Variants in CERS6 observed in about 807,000 individuals in gnomAD.
CERS6 encodes LAG1 homolog, ceramide synthase 6.
CERS6 carries 26 observed loss-of-function variants against 56.8 expected under a neutral mutation model. The observed-to-expected ratio is 0.46, with a 90% CI of 0.34 to 0.63. The LOEUF (loss-of-function observed/expected upper bound fraction) is 0.63. Among genes scored for constraint, CERS6 ranks in the 30% least tolerant of loss-of-function variants. The pLI, the probability that CERS6 is intolerant of heterozygous loss-of-function variation, is 0.01. For missense variants in CERS6, 415 were observed against 467.5 expected (o/e 0.89, Z 1.04); for synonymous variants, 164 against 173.3 (o/e 0.95, Z 0.42).
rs559346607 is a variant in CERS6 at position 168,725,203 on chromosome 2, G to A, written c.845+7225G>A. Among the ~76,000 whole-genome samples, 7 of 152,358 alleles carry A rather than the reference G, an allele frequency of 4.6e-5. No homozygotes were observed. In the East Asian group the frequency reaches 5.8e-4, roughly 13 times the overall value. ...GCCGGCTGCTTCAAGTGCAGGGCCC[G>A]CCAAGCCCACGCCCACCCGGAACTC... On this transcript the variant is annotated intron_variant, in intron 8 of 9. Transcript: ENST00000305747.
At chr2:168,765,784 A>G (rs1319646778) in intron 9 of CERS6, 36 bp downstream of exon 9, 1 of 1,578,834 alleles carries the variant, frequency 6.3e-7, no homozygotes, top group East Asian at 2.3e-5. Context: ...TATGTCTTAA[A>G]AAATTTTGTT....
intron 1 of CERS6, among the ~76,000 whole-genome samples, chr2:168,498,053 C>T (rs1054826158): frequency 2.0e-5 from 3 of 152,152 alleles, no homozygotes; most frequent in Non-Finnish European, 4.4e-5. Flanking sequence ...ATCTTCACGG[C>T]CCTATTTCTT....
chr2:168,550,091 A>G (rs556310648), intron 2 of CERS6, among the ~76,000 whole-genome samples: 1 of 152,290 alleles, frequency 6.6e-6, no homozygotes, highest in African/African-American at 2.4e-5. Flanking sequence ...CAAAAAGCAC[A>G]AAAAAAGTGC....
chr2:168,701,336 C>G (rs766906673), intron 6 of CERS6, among the ~76,000 whole-genome samples: 2 of 152,162 alleles, frequency 1.3e-5, no homozygotes, highest in Non-Finnish European at 2.9e-5. Flanking sequence ...CAGTACCTCT[C>G]AAAATATGCT....
At chr2:168,540,220 G>A (rs1446900143) in intron 1 of CERS6, among the ~76,000 whole-genome samples, 1 of 151,946 alleles carries the variant, frequency 6.6e-6, no homozygotes, top group Non-Finnish European at 1.5e-5. Flanking sequence ...TATGGGGGGT[G>A]GAGGGTTGGA....
intron 6 of CERS6, among the ~76,000 whole-genome samples, chr2:168,714,645 C>G (rs769319772): frequency 6.6e-6 from 1 of 152,162 alleles, no homozygotes; most frequent in South Asian, 2.1e-4. Context: ...TGGCATTGAT[C>G]GCATTCTTGG....
At chr2:168,738,283 G>A (rs1683776756) in intron 8 of CERS6, among the ~76,000 whole-genome samples, 1 of 152,222 alleles carries the variant, frequency 6.6e-6, no homozygotes, top group African/African-American at 2.4e-5. Context: ...AGGAAGAGGT[G>A]TGAATCAGCT....
At chr2:168,477,173 CAGAGAGAGAGAGAGAGAGAG>C (rs10609883) in intron 1 of CERS6, among the ~76,000 whole-genome samples, 7,516 of 115,524 alleles carry the variant, frequency 0.065, 290 homozygotes, top group East Asian at 0.22. Context: ...GAGGGAGAGA[CAGAGAGAGAGAGAGAGAGAG>C]AGAGAGAGAG....
At chr2:168,538,241 CAA>C (rs59857969) in intron 1 of CERS6, among the ~76,000 whole-genome samples, 132 of 98,742 alleles carry the variant, frequency 1.3e-3, no homozygotes, top group African/African-American at 1.6e-3. Flanking sequence ...GTGTAAAAAC[CAA>C]AAAAAAAAAA....
intron 8 of CERS6, among the ~76,000 whole-genome samples, chr2:168,731,073 A>G (rs1683518985): frequency 6.6e-6 from 1 of 152,188 alleles, no homozygotes. Context: ...TAATCACTTA[A>G]TATTTTTAGA....
chr2:168,684,089 G>T (rs1274776678), intron 4 of CERS6, among the ~76,000 whole-genome samples: 3 of 152,106 alleles, frequency 2.0e-5, no homozygotes, highest in Admixed American at 6.6e-5. Context: ...TGCAGAATGT[G>T]GTAAAGGCAC....
intron 1 of CERS6, among the ~76,000 whole-genome samples, chr2:168,498,553 G>A (rs1450477711): frequency 6.6e-6 from 1 of 152,224 alleles, no homozygotes; most frequent in Admixed American, 6.5e-5. Flanking sequence ...TGGCCTGCAC[G>A]TGTGCAGTAG....
At chr2:168,728,379 C>G (rs1574197413) in intron 8 of CERS6, among the ~76,000 whole-genome samples, 1 of 142,904 alleles carries the variant, frequency 7.0e-6, no homozygotes. Context: ...AAAAAAAATG[C>G]AACTACTCTT....
intron 4 of CERS6, among the ~76,000 whole-genome samples, chr2:168,652,853 C>T (rs1685379449): frequency 1.3e-5 from 2 of 152,198 alleles, no homozygotes; most frequent in African/African-American, 4.8e-5. Context: ...CGTGCTCTTT[C>T]ACATTCATTC....
chr2:168,682,676 T>A (rs1189318618), intron 4 of CERS6, among the ~76,000 whole-genome samples: 1 of 152,092 alleles, frequency 6.6e-6, no homozygotes, highest in Non-Finnish European at 1.5e-5. Flanking sequence ...ACTACAACTC[T>A]CACAATGGGG....
chr2:168,713,976 A>G (rs1287977467), intron 6 of CERS6, among the ~76,000 whole-genome samples: 1 of 152,142 alleles, frequency 6.6e-6, no homozygotes, highest in Non-Finnish European at 1.5e-5. Flanking sequence ...AATACTGTAG[A>G]TTTGGAGTCC....
rs1310412614 is a variant in CERS6, at chr2:168,631,006, T to C, written c.429T>C (p.Leu143=). The C allele has an allele frequency of 6.5e-7, 1 of 1,534,036 alleles. No individual in the cohort carries two copies. The highest frequency in any genetic ancestry group is 8.9e-7 in the Non-Finnish European group (1 of 1,124,342). Residue 143 remains leucine (L), a synonymous_variant, in exon 4 of 10, where the codon CTT becomes CTC. Coordinates refer to ENST00000305747, the MANE Select transcript of CERS6 (RefSeq NM_203463.3). ...CESMWRFSFY[L]YVFTYGVRFL... ...ACAGGTGGAGATTTTCATTTTACCT[T>C]TATGTATTTACCTACGGAGTCAGAT...
At position 168,456,565 on chromosome 2, in the gene CERS6, T is replaced by C; in HGVS notation, c.117T>C (p.Tyr39=). 1 of 1,614,036 alleles carries C rather than the reference T, an allele frequency of 6.2e-7. No homozygotes were observed. Among genetic ancestry groups the C allele is most frequent in the South Asian group, 1.1e-5 (1 of 91,084 alleles). The change falls in exon 1 of 10, where the codon TAT becomes TAC. Residue 39 remains tyrosine, a synonymous_variant. Coordinates refer to ENST00000305747, the MANE Select transcript of CERS6 (RefSeq NM_203463.3). This position sits in a 1 kb window ranked among gnomAD's most constrained non-coding sequence, Gnocchi z 4.1. ...EATFPQAEDL[Y]LAFPLAFCIF... is the part of the protein sequence containing the mutation. Reference sequence around the variant, plus strand: ...CCTTCCCGCAGGCTGAGGACCTCTATCTCGCTTTTCCCCTGGCCTTCTGTA... The same window carrying C: ...CCTTCCCGCAGGCTGAGGACCTCTACCTCGCTTTTCCCCTGGCCTTCTGTA...
At chr2:168,754,156 C>T (rs1329620515) in intron 8 of CERS6, among the ~76,000 whole-genome samples, 3 of 151,998 alleles carry the variant, frequency 2.0e-5, no homozygotes, top group South Asian at 2.1e-4. Flanking sequence ...ACTATGGGTC[C>T]GTGTCTCAGA....
Sources: gnomAD v4.1 joint callset for allele counts (sites outside exome capture counted in the v4.1 genomes callset) on GRCh38, gnomAD v4.1.1 for gene constraint, Gnocchi (gnomAD v3.1) non-coding constraint, MANE v1.5 for transcripts, NCBI Gene and HGNC (gene_info 2026-07-23, HGNC 2026-07-21) for gene names.